Variants in MACF1 observed in about 807,000 individuals in gnomAD.
MACF1 encodes the protein microtubule-actin cross-linking factor 1.
In MACF1, 193 loss-of-function variants were observed where a neutral mutation model predicts 854.8. The observed-to-expected ratio is 0.23, with a 90% CI of 0.20 to 0.25. MACF1 has a LOEUF of 0.25. Ranked by LOEUF, MACF1 falls within the 10% of genes least tolerant of loss-of-function variation. MACF1 has a pLI of 1.00. For synonymous variants in MACF1, 3,185 were observed against 3,226.7 expected, an observed-to-expected ratio of 0.99 and a Z score of 0.44; for missense variants, 7,722 against 8,929.1, an observed-to-expected ratio of 0.86 and a Z score of 5.45.
rs1646540132 is a variant in MACF1 at position 39,322,900 on chromosome 1, T to G, written c.4138-10T>G. On this transcript the variant is annotated splice_polypyrimidine_tract_variant and intron_variant, in intron 32 of 100. Transcript: ENST00000564288. ...AGACGATTTATTTAAATTGTTCTTT[T>G]GAACCACAGTTCATGGACTTAAGGA... 3 of 1,611,366 alleles carry G rather than the reference T, an allele frequency of 1.9e-6. No homozygotes were observed. The highest frequency in any genetic ancestry group is 2.5e-6 in the Non-Finnish European group (3 of 1,177,414).
At chr1:39,185,844 A>G (rs759382718) in intron 2 of MACF1, among the ~76,000 whole-genome samples, 15 of 152,176 alleles carry the variant, frequency 9.9e-5, no homozygotes, top group Non-Finnish European at 1.3e-4. Flanking sequence ...TTCATGAAAT[A>G]ACAAATCATT....
intron 6 of MACF1, among the ~76,000 whole-genome samples, chr1:39,267,614 T>G (rs1052444958): frequency 6.6e-6 from 1 of 152,208 alleles, no homozygotes; most frequent in Non-Finnish European, 1.5e-5. Context: ...AATGAGAAAG[T>G]CCATGTAAAT....
intron 2 of MACF1, among the ~76,000 whole-genome samples, chr1:39,096,377 A>G (rs570305716): frequency 6.6e-6 from 1 of 151,340 alleles, no homozygotes; most frequent in African/African-American, 2.5e-5. Context: ...AGGAACTGTG[A>G]ACGAAAAAAC....
chr1:39,320,172 C>G (rs1249828318), intron 31 of MACF1, among the ~76,000 whole-genome samples: 1 of 152,128 alleles, frequency 6.6e-6, no homozygotes, highest in Non-Finnish European at 1.5e-5. Context: ...TGTCTTCAAA[C>G]ATGTCCCACA....
intron 21 of MACF1, among the ~76,000 whole-genome samples, chr1:39,299,943 A>G (rs1646005646): frequency 6.6e-6 from 1 of 152,120 alleles, no homozygotes; most frequent in East Asian, 1.9e-4. Flanking sequence ...TTTTATTTTG[A>G]TTTTTGCATG....
chr1:39,476,435 T>G (rs1644884222), intron 97 of MACF1, among the ~76,000 whole-genome samples: 2 of 152,114 alleles, frequency 1.3e-5, no homozygotes, highest in South Asian at 4.2e-4. Flanking sequence ...CCAAGCGTGG[T>G]GGCCACGCGC....
chr1:39,360,769 T>C (rs752816376), intron 47 of MACF1, 24 bp from the exon 48 acceptor site: 15 of 1,534,762 alleles, frequency 9.8e-6, no homozygotes, highest in Admixed American at 1.8e-5. Flanking sequence ...CTCCACTCTT[T>C]CTTTTCATGG....
At chr1:39,173,182 T>G (rs1264114325) in intron 2 of MACF1, among the ~76,000 whole-genome samples, 2 of 151,500 alleles carry the variant, frequency 1.3e-5, no homozygotes, top group Non-Finnish European at 2.9e-5. Flanking sequence ...TCTACTAAAA[T>G]GCAAAAAATT....
At chr1:39,262,932 A>G (rs1645181326) in intron 6 of MACF1, among the ~76,000 whole-genome samples, 2 of 151,968 alleles carry the variant, frequency 1.3e-5, no homozygotes. Context: ...TCTGCTTGTG[A>G]AGCTTTTGAT....
Position 39,111,737 on chromosome 1 carries a change from G to A in MACF1, c.220+27299G>A, listed in dbSNP as rs374425029. Reference sequence around the variant, plus strand: ...TTGCAATGTTTTCTAGGCTAGTCTCGAACTAGCTTCAAGCCATCCTCTTGC... The same window carrying A: ...TTGCAATGTTTTCTAGGCTAGTCTCAAACTAGCTTCAAGCCATCCTCTTGC... On this transcript the variant is annotated intron_variant, in intron 2 of 93. Transcript: ENST00000361689. Among the ~76,000 whole-genome samples, 5 of 152,002 alleles carry A rather than the reference G, an allele frequency of 3.3e-5. No homozygotes were observed. The East Asian group carries it at 5.8e-4, about 18-fold the overall frequency.
chr1:39,335,957 G>T lies in MACF1; in HGVS notation c.9369G>T (p.Val3123=). 6.2e-7 allele frequency: 1 copy of T among 1,614,116 alleles called. No homozygotes were observed. Residue 3123 remains valine, a synonymous_variant, in exon 37 of 101, where the codon GTG becomes GTT. Transcript: ENST00000564288. ...AGGAATCAGATGGAAAAGCCCAAGT[G>T]ACAGGCCCATCCCAAATTTCCAAAA... is the stretch of plus-strand genomic sequence containing the variant. The part of the protein sequence containing the change: ...HYQESDGKAQ[V]TGPSQISKTD...
At chr1:39,257,311 C>CTT (rs60278374) in intron 5 of MACF1, among the ~76,000 whole-genome samples, 62 of 150,752 alleles carry the variant, frequency 4.1e-4, no homozygotes, top group Middle Eastern at 3.4e-3. Flanking sequence ...AAGACAGTTT[C>CTT]TTTTTTTTTG....
chr1:39,095,751 T>C (rs1170256593), intron 2 of MACF1, among the ~76,000 whole-genome samples: 1 of 151,284 alleles, frequency 6.6e-6, no homozygotes, highest in Admixed American at 6.6e-5. Flanking sequence ...GGTGCATGCC[T>C]GTAGTCCTAG....
intron 2 of MACF1, among the ~76,000 whole-genome samples, chr1:39,188,661 C>T (rs1644208777): frequency 6.6e-6 from 1 of 152,216 alleles, no homozygotes; most frequent in Non-Finnish European, 1.5e-5. Context: ...CGGAGTCTCA[C>T]CCTGTCACTC....
chr1:39,463,784 G>A, intron 94 of MACF1, 98 bp downstream of exon 94: 2 of 1,038,886 alleles, frequency 1.9e-6, no homozygotes, highest in South Asian at 1.3e-5. Flanking sequence ...GAGCCCATCG[G>A]ACTTGAGATG....
intron 97 of MACF1, among the ~76,000 whole-genome samples, chr1:39,477,045 GTATATATATATATATATATATATATA>G (rs745911075): frequency 3.5e-4 from 22 of 63,766 alleles, no homozygotes; most frequent in African/African-American, 6.8e-4. Context: ...TACACTTAGT[GTATATATATATATATATATATATATA>G]TATATATATA....
Position 39,340,867 on chromosome 1 carries a change from G to T in MACF1, c.10495G>T (p.Gly3499Cys), listed in dbSNP as rs1201654712. The change falls in exon 40 of 101, where the codon GGC (glycine) becomes TGC (cysteine). Residue 3499 changes from glycine (G) to cysteine (C), a missense_variant. This residue lies in a region of MACF1 where 854 missense variants were observed against 852.6 expected (regional missense o/e 1.00). Coordinates refer to ENST00000564288, the MANE Select transcript of MACF1 (RefSeq NM_001394062.1). ...ACTTCAAGATCTGAGAGCCTGGGTT[G>T]GCAATAAAAATCTTATTCTGAACAG... is the stretch of plus-strand genomic sequence containing the variant. ...GRLQDLRAWV[G>C]NKNLILNSKG... 1 of 1,613,892 alleles carries T rather than the reference G, an allele frequency of 6.2e-7. No individual in the cohort carries two copies. Among genetic ancestry groups the T allele is most frequent in the Non-Finnish European group, 8.5e-7 (1 of 1,180,002 alleles).
At chr1:39,190,409 T>TTG (rs1644240300) in intron 2 of MACF1, among the ~76,000 whole-genome samples, 2 of 141,066 alleles carry the variant, frequency 1.4e-5, no homozygotes, top group Non-Finnish European at 3.1e-5. Context: ...TTGTTTTTTT[T>TTG]TTTTTTTTTT....
rs141222307 is a variant in MACF1 at position 39,377,156 on chromosome 1, G to A, written c.13214-1305G>A. On this transcript the variant is annotated intron_variant, in intron 52 of 100. Transcript: ENST00000564288. ...CTCCCCAGTAGCTGAGACTACAGGC[G>A]TCCGCTGCCACACCCAGCTAATTTT... 7.6e-3 allele frequency among the ~76,000 whole-genome samples: 1,154 copies of A among 152,066 alleles called. 10 individuals are homozygous for A. Among genetic ancestry groups the A allele is most frequent in the Middle Eastern group, 0.017 (5 of 294 alleles).
Sources: gnomAD v4.1 joint callset for allele counts (sites outside exome capture counted in the v4.1 genomes callset) on GRCh38, gnomAD v4.1.1 for gene constraint, gnomAD v4.1.1 regional missense constraint, MANE v1.5 for transcripts, NCBI Gene and HGNC (gene_info 2026-07-23, HGNC 2026-07-21) for gene names.